CD3E: variants seen among roughly 807,000 people sequenced by gnomAD.
The protein encoded by CD3E is CD3 epsilon subunit of T-cell receptor complex, also known as T-cell surface glycoprotein CD3 epsilon chain.
In CD3E, 16 loss-of-function variants were observed where a neutral mutation model predicts 34.7. The observed-to-expected ratio is 0.46, with a 90% confidence interval of 0.31 to 0.70. CD3E has a LOEUF of 0.70. CD3E is among the 30% of genes least tolerant of loss of function. CD3E has a pLI of 0.05. For synonymous variants in CD3E, 70 were observed against 90.8 expected, an observed-to-expected ratio of 0.77 and a Z score of 1.30; for missense variants, 223 against 253.9, an observed-to-expected ratio of 0.88 and a Z score of 0.83.
chr11:118,310,622 C>T (rs1211508999), intron 4 of CD3E, among the ~76,000 whole-genome samples: 1 of 152,154 alleles, frequency 6.6e-6, no homozygotes, highest in African/African-American at 2.4e-5. Flanking sequence ...GACATCTAGA[C>T]CCTTGTGTGA....
At chr11:118,314,950 CACACACACAT>C (rs1442405158) in intron 8 of CD3E, among the ~76,000 whole-genome samples, 2 of 117,002 alleles carry the variant, frequency 1.7e-5, no homozygotes, top group African/African-American at 3.4e-5. Context: ...CCCACCCTTA[CACACACACAT>C]ACACACACAC....
chr11:118,312,606 C>A lies in CD3E; in HGVS notation c.104-12C>A. On this transcript the variant is annotated splice_polypyrimidine_tract_variant and intron_variant, in intron 5 of 8. Transcript: ENST00000361763. ...CTGGTTTCTTCTGCCAATTTCCCTT[C>A]TTTCTCCCCAGCATATAAAGTCTCC... 1 of 1,614,200 alleles carries A rather than the reference C, an allele frequency of 6.2e-7. No individual in the cohort carries two copies. The highest frequency in any genetic ancestry group is 1.6e-4 in the Middle Eastern group (1 of 6,062).
At chr11:118,305,920 ATG>A (rs1948102873) in intron 2 of CD3E, among the ~76,000 whole-genome samples, 1 of 152,174 alleles carries the variant, frequency 6.6e-6, no homozygotes, top group Non-Finnish European at 1.5e-5. Flanking sequence ...CACAGCAACG[ATG>A]TCTCCACTTC....
chr11:118,307,018 TC>T (rs1948110898), intron 2 of CD3E, among the ~76,000 whole-genome samples: 1 of 152,174 alleles, frequency 6.6e-6, no homozygotes, highest in Non-Finnish European at 1.5e-5. Flanking sequence ...CCTAACTTTT[TC>T]TGACTCCTGC....
intron 5 of CD3E, 102 bp downstream of exon 5, chr11:118,312,272 C>A: frequency 9.4e-7 from 1 of 1,064,202 alleles, no homozygotes; most frequent in South Asian, 1.3e-5. Context: ...GAACTGATAT[C>A]TTCCCAGCAT....
chr11:118,315,333 C>A (rs1948160266), intron 8 of CD3E, among the ~76,000 whole-genome samples, 153 bp from the exon 9 acceptor site: 1 of 152,140 alleles, frequency 6.6e-6, no homozygotes, highest in Admixed American at 6.5e-5. Flanking sequence ...CAGCTCAAGT[C>A]TCCTACCGTC....
rs1948165692 is a variant in CD3E at position 118,316,111 on chromosome 11, T to G, written c.*569T>G. The G allele has an allele frequency of 6.4e-6, 1 of 155,464 alleles. No homozygotes were observed. The highest frequency in any genetic ancestry group is 2.5e-5 in the African/African-American group (1 of 40,468). The allele number at this position is 155,464 out of a possible 1,614,324, so 9.6% of individuals were successfully genotyped here. The stretch of plus-strand genomic sequence containing the variant: ...GTAGGCCACTGGATGGTCATTTGCA[T>G]CTCCGTAAATGTGCTCTGCTCCTCA... On this transcript the variant is annotated 3_prime_UTR_variant, in exon 9 of 9. Transcript: ENST00000361763.
chr11:118,314,523 G>A (rs201948603), intron 8 of CD3E, 29 bp downstream of exon 8: 263 of 1,606,530 alleles, frequency 1.6e-4, no homozygotes, highest in Non-Finnish European at 2.2e-4. Context: ...GGGCCAGGAC[G>A]CTGGAGGGGA....
chr11:118,313,312 G>C (rs1948146673), intron 6 of CD3E: 1 of 350,010 alleles, frequency 2.9e-6, no homozygotes, highest in South Asian at 2.7e-5. Flanking sequence ...TGCTTATTAA[G>C]TCTCAAGCAC....
chr11:118,307,446 G>C, intron 3 of CD3E, 138 bp downstream of exon 3: 1 of 716,334 alleles, frequency 1.4e-6, no homozygotes, highest in Non-Finnish European at 2.4e-6. Context: ...CTACCCCTTT[G>C]ACTTTCCTCA....
rs202081675 is a variant in CD3E at position 118,315,669 on chromosome 11, C to T, written c.*127C>T. 8.2e-5 allele frequency: 68 copies of T among 825,140 alleles called. No homozygotes were observed. The highest frequency in any genetic ancestry group is 1.4e-4 in the South Asian group (10 of 69,238). 51.1% of individuals were successfully genotyped at this position (825,140 alleles called of 1,614,324 possible). On this transcript the variant is annotated 3_prime_UTR_variant, in exon 9 of 9. Coordinates refer to ENST00000361763, the MANE Select transcript of CD3E (RefSeq NM_000733.4). ...GTTCCTCAGCCTCATGGTGAACTCG[C>T]GCCCTCCAGCCTGATCCCCCGCTCC...
chr11:118,307,202 A>T (rs1025923474), intron 2 of CD3E, 86 bp from the exon 3 acceptor site: 5 of 1,004,028 alleles, frequency 5.0e-6, no homozygotes, highest in Non-Finnish European at 7.9e-6. Context: ...ATCAGTGGTC[A>T]TACTGCAACA....
chr11:118,305,445 TC>T (rs1216239294), intron 2 of CD3E, among the ~76,000 whole-genome samples: 1 of 152,248 alleles, frequency 6.6e-6, no homozygotes, highest in African/African-American at 2.4e-5. Context: ...TTAGTCCTTT[TC>T]AAGTGACCAA....
chr11:118,313,886 G>T lies in CD3E; in HGVS notation c.520+12G>T. ...CGGCAGGCAAAGGGGTAAGGCTGTG[G>T]AGTCCAGTCAGAGGAGATTCCTGCC... On this transcript the variant is annotated intron_variant, in intron 7 of 8. Coordinates refer to ENST00000361763, the MANE Select transcript of CD3E (RefSeq NM_000733.4). 1 of 1,612,404 alleles carries T rather than the reference G, an allele frequency of 6.2e-7. No individual in the cohort carries two copies. The highest frequency in any genetic ancestry group is 8.5e-7 in the Non-Finnish European group (1 of 1,179,942).
chr11:118,309,328 CA>C (rs1948123699), intron 4 of CD3E, among the ~76,000 whole-genome samples: 1 of 152,206 alleles, frequency 6.6e-6, no homozygotes, highest in Non-Finnish European at 1.5e-5. Flanking sequence ...GTAATCCCAG[CA>C]CTTTGAGAAG....
At chr11:118,305,223 G>A (rs183131877) in intron 2 of CD3E, among the ~76,000 whole-genome samples, 2 of 152,334 alleles carry the variant, frequency 1.3e-5, no homozygotes, top group East Asian at 1.9e-4. Context: ...GAGCAGTTGG[G>A]GTGATCATAG....
At chr11:118,313,516 A>G (rs1463886297) in intron 6 of CD3E, 191 bp from the exon 7 acceptor site, 20 of 629,570 alleles carry the variant, frequency 3.2e-5, no homozygotes, top group South Asian at 2.5e-4. Context: ...GTTTGACTCC[A>G]GTGCCTCTAC....
In CD3E at chr11:118,314,435, C is replaced by T. The variant is rs1489541778; in HGVS notation, c.521-13C>T. The T allele has an allele frequency of 1.9e-6, 3 of 1,613,168 alleles. No individual in the cohort carries two copies. In the Admixed American group the frequency reaches 5.0e-5, roughly 27 times the overall value. ...CTCATGGGAATGAAATGTTTCCCCT[C>T]CTTCCTCCGCAGGACAAAACAAGGA... On this transcript the variant is annotated splice_polypyrimidine_tract_variant and intron_variant, in intron 7 of 8. Coordinates refer to ENST00000361763, the MANE Select transcript of CD3E (RefSeq NM_000733.4).
rs998818732 is a variant in CD3E, at chr11:118,315,645, T to G, written c.*103T>G. Reference sequence around the variant, plus strand: ...TCTTGGACCCCACGAGAGAGAATCGTTCCTCAGCCTCATGGTGAACTCGCG... The same window carrying G: ...TCTTGGACCCCACGAGAGAGAATCGGTCCTCAGCCTCATGGTGAACTCGCG... On this transcript the variant is annotated 3_prime_UTR_variant, in exon 9 of 9. Transcript: ENST00000361763. 2 of 1,022,196 alleles carry G rather than the reference T, an allele frequency of 2.0e-6. No homozygotes were observed. Among genetic ancestry groups the G allele is most frequent in the Non-Finnish European group, 3.0e-6 (2 of 670,096 alleles). The allele number at this position is 1,022,196 out of a possible 1,614,324, so 63.3% of individuals were successfully genotyped here.
Sources: gnomAD v4.1 joint callset for allele counts (sites outside exome capture counted in the v4.1 genomes callset) on GRCh38, gnomAD v4.1.1 for gene constraint, MANE v1.5 for transcripts, NCBI Gene and HGNC (gene_info 2026-07-23, HGNC 2026-07-21) for gene names.